Variants in SEC13 observed in about 807,000 individuals in gnomAD.
The protein encoded by SEC13 is SEC13 homolog, nuclear pore and COPII component.
Under a neutral mutation model 49.2 loss-of-function variants are expected in SEC13, and 25 were observed. The observed-to-expected ratio is 0.51, with a 90% confidence interval of 0.37 to 0.71. SEC13 has a LOEUF of 0.71. SEC13 is among the 30% of genes least tolerant of loss of function. The pLI is 0.00. For missense variants in SEC13, 383 were observed against 417.6 expected, an observed-to-expected ratio of 0.92 and a Z score of 0.72; for synonymous variants, 148 against 163.9, an observed-to-expected ratio of 0.90 and a Z score of 0.74.
intron 3 of SEC13, chr3:10,312,955 G>A (rs1416023061): frequency 2.0e-5 from 10 of 491,914 alleles, no homozygotes; most frequent in Middle Eastern, 5.3e-4. Flanking sequence ...TTGAGAGAGA[G>A]TTGAGCCTCT....
At chr3:10,320,503 T>C in intron 1 of SEC13, 1 of 985,582 alleles carries the variant, frequency 1.0e-6, no homozygotes. Flanking sequence ...GAGGTGCCCA[T>C]CCTACCTGGG....
At chr3:10,317,730 G>A (rs1701693764) in intron 2 of SEC13, among the ~76,000 whole-genome samples, 1 of 152,092 alleles carries the variant, frequency 6.6e-6, no homozygotes, top group Non-Finnish European at 1.5e-5. Context: ...GAAGACTATT[G>A]TCAAGCCTCC....
In SEC13 at chr3:10,312,744, G is replaced by A. The variant is rs182366263; in HGVS notation, c.165-14C>T. 1,113 of 1,614,016 alleles carry A rather than the reference G, an allele frequency of 6.9e-4. No individual in the cohort carries two copies. The highest frequency in any genetic ancestry group is 8.4e-4 in the Non-Finnish European group (993 of 1,179,936). On this transcript the variant is annotated splice_polypyrimidine_tract_variant and intron_variant, in intron 3 of 8. Transcript: ENST00000350697. ...GGACCCTCATGACTACAAAGGGAGA[G>A]ATAGGCCAGAGGAACCCACAGTGCC... is the stretch of plus-strand genomic sequence containing the variant.
intron 8 of SEC13, 22 bp downstream of exon 8, chr3:10,304,004 G>A: frequency 6.2e-7 from 1 of 1,613,134 alleles, no homozygotes; most frequent in Middle Eastern, 1.6e-4. Context: ...TGTCCACCAT[G>A]CCACGGGGAA....
intron 4 of SEC13, 23 bp from the exon 5 acceptor site, chr3:10,312,121 G>A: frequency 1.3e-6 from 2 of 1,575,234 alleles, no homozygotes; most frequent in Admixed American, 1.9e-5. Context: ...GGAGAGTGCA[G>A]TGAGCAAAGC....
chr3:10,311,980 G>T lies in SEC13; in HGVS notation c.435C>A (p.Ile145=). Reference sequence around the variant, plus strand: ...ATGGACTCACGGTGTGAGCGTTGTTGATCTTCTTTACTTCCCATTGGCCTT... The same window carrying T: ...ATGGACTCACGGTGTGAGCGTTGTTTATCTTCTTTACTTCCCATTGGCCTT... ...TGEGQWEVKK[I]NNAHTIGCNA... Residue 145 remains isoleucine, a synonymous_variant, in exon 5 of 9, where the codon ATC becomes ATA. Coordinates refer to ENST00000350697, the MANE Select transcript of SEC13 (RefSeq NM_183352.3). 1.2e-6 allele frequency: 2 copies of T among 1,614,180 alleles called. No homozygotes were observed. The highest frequency in any genetic ancestry group is 1.7e-6 in the Non-Finnish European group (2 of 1,180,022).
At chr3:10,304,920 G>T in intron 7 of SEC13, 113 bp downstream of exon 7, 1 of 1,508,538 alleles carries the variant, frequency 6.6e-7, no homozygotes, top group East Asian at 2.3e-5. Flanking sequence ...TGGGCCAAAG[G>T]TGCCTGTTGC....
chr3:10,319,548 T>C (rs1220942998), intron 1 of SEC13, among the ~76,000 whole-genome samples: 1 of 152,014 alleles, frequency 6.6e-6, no homozygotes, highest in Non-Finnish European at 1.5e-5. Context: ...CTTCTAATGC[T>C]GAGTCCACAA....
In SEC13 at chr3:10,308,789, GA is replaced by G. The variant is rs1405551116; in HGVS notation, c.451-3098del. On this transcript the variant is annotated intron_variant, in intron 5 of 8. Transcript: ENST00000350697. ...ATCTTTTTGTTGGTGATGCTGAGTT[GA>G]ATTTTTTTTTTTTTTTTTTTTTTTA... Among the ~76,000 whole-genome samples, 134 of 104,664 alleles carry G rather than the reference GA, an allele frequency of 1.3e-3. 1 individual carries two copies. The highest frequency in any genetic ancestry group is 5.2e-3 in the African/African-American group (131 of 25,432). 68.7% of individuals were successfully genotyped at this position (104,664 alleles called of 152,430 possible).
chr3:10,320,032 T>C (rs1160271597), intron 1 of SEC13, among the ~76,000 whole-genome samples: 6 of 148,260 alleles, frequency 4.0e-5, no homozygotes, highest in Non-Finnish European at 7.5e-5. Flanking sequence ...AGAGAGAACT[T>C]CTTAGAGTAC....
In SEC13 at chr3:10,301,409, C is replaced by T. The variant is rs140790451; in HGVS notation, c.856-35G>A. Reference sequence around the variant, plus strand: ...AGTGCACAAGCAGATTATCACGGGTCTGTGCCCTTCCCTCTGCTGTCCCCT... The same window carrying T: ...AGTGCACAAGCAGATTATCACGGGTTTGTGCCCTTCCCTCTGCTGTCCCCT... On this transcript the variant is annotated intron_variant, in intron 8 of 8. Transcript: ENST00000350697. 1.3e-4 allele frequency: 212 copies of T among 1,613,552 alleles called. 1 individual carries two copies. The East Asian group carries it at 4.6e-3, about 35-fold the overall frequency.
chr3:10,302,217 GAC>G (rs1700576668), intron 8 of SEC13, among the ~76,000 whole-genome samples: 1 of 152,180 alleles, frequency 6.6e-6, no homozygotes, highest in Non-Finnish European at 1.5e-5. Context: ...CAGCCTGGAC[GAC>G]AGAGCGAGAC....
chr3:10,315,017 TGAG>T, intron 3 of SEC13: 1 of 283,128 alleles, frequency 3.5e-6, no homozygotes, highest in Non-Finnish European at 6.8e-6. Flanking sequence ...GGCCCAATTT[TGAG>T]GATGAGCAGA....
At chr3:10,312,851 G>A (rs917406291) in intron 3 of SEC13, 121 bp from the exon 4 acceptor site, 2 of 990,104 alleles carry the variant, frequency 2.0e-6, no homozygotes, top group Middle Eastern at 2.2e-4. Context: ...ACTTCAAAGG[G>A]AGAACTATAC....
At chr3:10,317,927 T>C in intron 2 of SEC13, 123 bp downstream of exon 2, 1 of 652,358 alleles carries the variant, frequency 1.5e-6, no homozygotes, top group South Asian at 1.9e-5. Flanking sequence ...AGGCAACCAC[T>C]GCAAAGCCAC....
intron 4 of SEC13, among the ~76,000 whole-genome samples, chr3:10,312,306 A>C (rs1180309863): frequency 6.6e-6 from 1 of 152,214 alleles, no homozygotes; most frequent in East Asian, 1.9e-4. Context: ...TATCTAACAA[A>C]AAAGTGGGTA....
At chr3:10,303,005 G>A (rs697233) in intron 8 of SEC13, among the ~76,000 whole-genome samples, 15,661 of 152,262 alleles carry the variant, frequency 0.1, 1,283 homozygotes, top group East Asian at 0.41. Context: ...AGACAGAAAG[G>A]AGAAGGGTGG....
chr3:10,305,757 C>T, intron 5 of SEC13, 65 bp from the exon 6 acceptor site: 4 of 1,583,898 alleles, frequency 2.5e-6, no homozygotes, highest in Non-Finnish European at 3.5e-6. Context: ...AGACCCAAGC[C>T]TGCTGTCCCT....
In SEC13 at chr3:10,305,281, TTG is replaced by T. The variant is rs374186300; in HGVS notation, c.585-127_585-126del. On this transcript the variant is annotated intron_variant, in intron 6 of 8. Transcript: ENST00000350697. ...ATCTTTCTTCTTTCATTCATGGAGTTTGTGGCATTTTATTCCCTTCACCCCAG... is the reference window on the plus strand; with the variant it reads ...ATCTTTCTTCTTTCATTCATGGAGTTTGGCATTTTATTCCCTTCACCCCAG... 14 of 1,389,390 alleles carry T rather than the reference TTG, an allele frequency of 1.0e-5. No individual in the cohort carries two copies. In the African/African-American group the frequency reaches 2.1e-4, roughly 21 times the overall value. 86.1% of individuals were successfully genotyped at this position (1,389,390 alleles called of 1,614,324 possible).
Sources: allele counts gnomAD v4.1 joint callset (sites outside exome capture counted in the v4.1 genomes callset), GRCh38; gene constraint gnomAD v4.1.1; transcripts MANE v1.5; gene names NCBI Gene and HGNC (gene_info 2026-07-23, HGNC 2026-07-21).